ANKFN1: variants seen among roughly 807,000 people sequenced by gnomAD.
ANKFN1 encodes the protein ankyrin repeat and fibronectin type III domain containing 1.
Under a neutral mutation model 108.7 loss-of-function variants are expected in ANKFN1, and 74 were observed. The observed-to-expected ratio is 0.68, with a 90% CI of 0.56 to 0.83. The LOEUF is 0.83. Among genes scored for constraint, ANKFN1 ranks in the 40% least tolerant of loss-of-function variants. The pLI, the probability that ANKFN1 is intolerant of heterozygous loss-of-function variation, is 0.00. For missense variants in ANKFN1, 1,505 were observed against 1,382.3 expected, an observed-to-expected ratio of 1.09 and a Z score of -1.41; for synonymous variants, 547 against 516.2, an observed-to-expected ratio of 1.06 and a Z score of -0.81.
chr17:56,200,962 G>C (rs1404057898), intron 1 of ANKFN1, among the ~76,000 whole-genome samples: 1 of 152,188 alleles, frequency 6.6e-6, no homozygotes, highest in Non-Finnish European at 1.5e-5. Flanking sequence ...TGGTATGCTA[G>C]ATTTCTCCTT....
chr17:56,302,293 G>A (rs908094950), intron 3 of ANKFN1, among the ~76,000 whole-genome samples: 4 of 152,144 alleles, frequency 2.6e-5, no homozygotes, highest in Admixed American at 1.3e-4. Context: ...GGGAGCCTGA[G>A]GCAGGAGGAT....
chr17:56,406,345 A>G (rs553245812), intron 8 of ANKFN1, among the ~76,000 whole-genome samples: 11 of 152,314 alleles, frequency 7.2e-5, no homozygotes, highest in African/African-American at 2.2e-4. Flanking sequence ...AAAATGGGCA[A>G]ATTATTTCAA....
chr17:56,083,448 C>T (rs1567783482), intron 4 of ANKFN1, among the ~76,000 whole-genome samples: 1 of 151,116 alleles, frequency 6.6e-6, no homozygotes, highest in Non-Finnish European at 1.5e-5. Context: ...ATATCCAGAT[C>T]CTTTAAAAAG....
intron 4 of ANKFN1, among the ~76,000 whole-genome samples, chr17:56,055,156 A>G (rs976802159): frequency 7.3e-5 from 11 of 151,224 alleles, no homozygotes; most frequent in Non-Finnish European, 1.2e-4. Context: ...CTTCTAATGT[A>G]CCCATTACCC....
At chr17:56,452,235 A>G (rs2049512146) in intron 11 of ANKFN1, among the ~76,000 whole-genome samples, 1 of 152,222 alleles carries the variant, frequency 6.6e-6, no homozygotes, top group Admixed American at 6.5e-5. Context: ...AGACATGCCA[A>G]CATGAATGAA....
intron 4 of ANKFN1, among the ~76,000 whole-genome samples, chr17:56,054,166 T>C (rs752327447): frequency 2.0e-5 from 3 of 152,228 alleles, no homozygotes; most frequent in African/African-American, 4.8e-5. Context: ...AGTATGGAGA[T>C]TCCTCAAAGA....
intron 4 of ANKFN1, among the ~76,000 whole-genome samples, chr17:56,121,407 A>G (rs1449627991): frequency 6.6e-6 from 1 of 152,090 alleles, no homozygotes; most frequent in Non-Finnish European, 1.5e-5. Context: ...GATGTTAGTC[A>G]TGTAATGCCT....
intron 3 of ANKFN1, among the ~76,000 whole-genome samples, chr17:56,237,499 G>A (rs1917243226): frequency 6.6e-6 from 1 of 152,028 alleles, no homozygotes; most frequent in Non-Finnish European, 1.5e-5. Flanking sequence ...TTTCTTCCTG[G>A]TTCAGTCTTG....
chr17:56,341,562 T>C (rs116314817), intron 4 of ANKFN1, among the ~76,000 whole-genome samples: 6,231 of 152,194 alleles, frequency 0.041, 238 homozygotes, highest in African/African-American at 0.1. Flanking sequence ...ATTGAGATAA[T>C]CATGTGGCTT....
At chr17:56,462,086 C>A (rs950756372) in intron 14 of ANKFN1, 1 of 152,162 alleles carries the variant, frequency 6.6e-6, no homozygotes, top group Non-Finnish European at 1.5e-5. Context: ...AAGTTGCTTT[C>A]ATCACTTTTT....
At chr17:56,462,239 G>A (rs2049926019) in intron 14 of ANKFN1, 1 of 152,164 alleles carries the variant, frequency 6.6e-6, no homozygotes, top group Non-Finnish European at 1.5e-5. Flanking sequence ...TGAAGGGAAA[G>A]AAAAAGAAAT....
Position 56,449,162 on chromosome 17 carries a change from C to G in ANKFN1, c.1183C>G (p.Leu395Val), listed in dbSNP as rs764254499. 7.4e-6 allele frequency: 12 copies of G among 1,613,144 alleles called. No individual in the cohort carries two copies. The highest frequency in any genetic ancestry group is 1.0e-5 in the Non-Finnish European group (12 of 1,179,546). Residue 395 changes from leucine (L) to valine (V), a missense_variant, in exon 11 of 21, where the codon CTT (leucine) becomes GTT (valine). By Grantham distance (32) the Leu-to-Val change is conservative. Coordinates refer to ENST00000682825, the MANE Select transcript of ANKFN1 (RefSeq NM_001370326.1). Reference sequence around the variant, plus strand: ...AGGTCTGCTGCAGCAGGTCCGAGCCCTTCATCAGCATTACAGTTGCCGGGG... The same window carrying G: ...AGGTCTGCTGCAGCAGGTCCGAGCCGTTCATCAGCATTACAGTTGCCGGGG... ...LEGLLQQVRALHQHYSCREST... is the reference protein window; with the variant it reads ...LEGLLQQVRAVHQHYSCREST...
chr17:56,425,430 G>T (rs2048532516), intron 8 of ANKFN1, among the ~76,000 whole-genome samples: 1 of 152,178 alleles, frequency 6.6e-6, no homozygotes, highest in Admixed American at 6.5e-5. Context: ...AAATATAAGA[G>T]AAATTTTCCT....
intron 4 of ANKFN1, among the ~76,000 whole-genome samples, chr17:56,108,798 T>C (rs1444308936): frequency 1.3e-5 from 2 of 152,206 alleles, no homozygotes; most frequent in Non-Finnish European, 2.9e-5. Context: ...AAAAGCAAAA[T>C]ATTACAATGT....
intron 3 of ANKFN1, among the ~76,000 whole-genome samples, chr17:56,319,102 G>A (rs1029477959): frequency 1.3e-5 from 2 of 152,150 alleles, no homozygotes; most frequent in African/African-American, 2.4e-5. Flanking sequence ...AAGAAGAGGA[G>A]GAGGGGTCTG....
chr17:56,371,468 CTTGAG>C (rs1466448827), intron 6 of ANKFN1, among the ~76,000 whole-genome samples: 1 of 152,176 alleles, frequency 6.6e-6, no homozygotes, highest in Non-Finnish European at 1.5e-5. Context: ...CAAATTTTCA[CTTGAG>C]TTATCTTCAC....
At chr17:56,283,117 C>T (rs2044127799) in intron 3 of ANKFN1, among the ~76,000 whole-genome samples, 1 of 152,116 alleles carries the variant, frequency 6.6e-6, no homozygotes, top group Non-Finnish European at 1.5e-5. Context: ...AATCCTCTGC[C>T]TCCTCCCACT....
intron 4 of ANKFN1, among the ~76,000 whole-genome samples, chr17:56,343,752 TC>T (rs2046024093): frequency 6.6e-6 from 1 of 151,886 alleles, no homozygotes; most frequent in South Asian, 2.1e-4. Context: ...TCTGCACTCT[TC>T]ACATTTCTTC....
At chr17:56,455,005 A>G (rs2049637340) in intron 11 of ANKFN1, among the ~76,000 whole-genome samples, 1 of 152,110 alleles carries the variant, frequency 6.6e-6, no homozygotes. Context: ...CTACTTTTTG[A>G]ACAGGCTTTC....
Sources: allele counts gnomAD v4.1 joint callset (sites outside exome capture counted in the v4.1 genomes callset), GRCh38; gene constraint gnomAD v4.1.1; transcripts MANE v1.5; gene names NCBI Gene and HGNC (gene_info 2026-07-23, HGNC 2026-07-21).